Variants in ZNF804A observed in about 807,000 individuals in gnomAD.
The protein encoded by ZNF804A is zinc finger protein 804A.
Under a neutral mutation model 16.5 loss-of-function variants are expected in ZNF804A, and 2 were observed. The ratio of observed to expected loss-of-function variants is 0.12; its 90% confidence interval spans 0.05 to 0.38. The LOEUF (loss-of-function observed/expected upper bound fraction) is 0.38. ZNF804A is among the 10% of genes least tolerant of loss of function. The probability of loss-of-function intolerance (pLI) is 0.99; values close to 1 mark genes in which losing one functional copy is unlikely to be tolerated. For missense variants in ZNF804A, 1,473 were observed against 1,390.7 expected (o/e 1.06, Z -0.94); for synonymous variants, 534 against 489.6 (o/e 1.09, Z -1.20).
intron 1 of ZNF804A, among the ~76,000 whole-genome samples, chr2:184,691,551 A>C (rs73043251): frequency 6.6e-6 from 1 of 151,786 alleles, no homozygotes; most frequent in Non-Finnish European, 1.5e-5. Flanking sequence ...CTTTATGTAA[A>C]TAGACATCAG....
chr2:184,601,229 G>T (rs191663725), intron 1 of ZNF804A, among the ~76,000 whole-genome samples: 1 of 151,902 alleles, frequency 6.6e-6, no homozygotes, highest in African/African-American at 2.4e-5. Context: ...GTATTATTAT[G>T]GAAAATGATG....
At chr2:184,818,136 A>G (rs901319989) in intron 1 of ZNF804A, among the ~76,000 whole-genome samples, 19 of 152,146 alleles carry the variant, frequency 1.2e-4, no homozygotes, top group African/African-American at 4.6e-4. Flanking sequence ...ATTAAAGACA[A>G]AATATTAAGG....
intron 1 of ZNF804A, among the ~76,000 whole-genome samples, chr2:184,822,434 A>G (rs932379776): frequency 1.3e-5 from 2 of 152,106 alleles, no homozygotes; most frequent in Non-Finnish European, 2.9e-5. Context: ...TAGCTAATGG[A>G]TGCTGGACTT....
At chr2:184,884,744 G>T (rs999650947) in intron 2 of ZNF804A, among the ~76,000 whole-genome samples, 2 of 151,982 alleles carry the variant, frequency 1.3e-5, no homozygotes, top group African/African-American at 4.8e-5. Flanking sequence ...TAAAAACCCT[G>T]GAAGATAACC....
At chr2:184,677,528 T>C (rs926427356) in intron 1 of ZNF804A, among the ~76,000 whole-genome samples, 3 of 151,930 alleles carry the variant, frequency 2.0e-5, no homozygotes, top group Non-Finnish European at 4.4e-5. Context: ...ACTAGACAAA[T>C]AGAAAAAATA....
chr2:184,789,191 T>C (rs544625620), intron 1 of ZNF804A, among the ~76,000 whole-genome samples: 1 of 152,216 alleles, frequency 6.6e-6, no homozygotes, highest in African/African-American at 2.4e-5. Context: ...ATAAGCCCAC[T>C]TGATCATGGT....
chr2:184,670,411 CAT>C (rs1180819780), intron 1 of ZNF804A, among the ~76,000 whole-genome samples: 10 of 151,976 alleles, frequency 6.6e-5, no homozygotes, highest in South Asian at 2.1e-4. Flanking sequence ...TATTAAGACA[CAT>C]GTTAGAGCCT....
chr2:184,686,777 C>T (rs1170796214), intron 1 of ZNF804A, among the ~76,000 whole-genome samples: 2 of 152,186 alleles, frequency 1.3e-5, no homozygotes, highest in African/African-American at 2.4e-5. Flanking sequence ...TTGATTTGCA[C>T]TTCTCTGGTG....
At chr2:184,822,140 T>C (rs1695096079) in intron 1 of ZNF804A, among the ~76,000 whole-genome samples, 1 of 152,176 alleles carries the variant, frequency 6.6e-6, no homozygotes, top group East Asian at 1.9e-4. Context: ...CTATTCACAA[T>C]AGCAAAGATA....
rs1692118665 is a variant in ZNF804A at position 184,658,595 on chromosome 2, A to C, written c.111+59525A>C. Among the ~76,000 whole-genome samples the C allele has an allele frequency of 2.6e-5, 4 of 152,194 alleles. 1 individual carries two copies. The highest frequency in any genetic ancestry group is 2.6e-4 in the Admixed American group (4 of 15,274). ...GAAGGAGATTTAGATTTAGGCTATGAGAACTGGGGATGGTTGGTTGAAATT... is the reference window on the plus strand; with the variant it reads ...GAAGGAGATTTAGATTTAGGCTATGCGAACTGGGGATGGTTGGTTGAAATT... On this transcript the variant is annotated intron_variant, in intron 1 of 3. Transcript: ENST00000302277.
intron 1 of ZNF804A, among the ~76,000 whole-genome samples, chr2:184,718,581 A>G (rs1490185308): frequency 6.6e-6 from 1 of 152,176 alleles, no homozygotes; most frequent in Non-Finnish European, 1.5e-5. Flanking sequence ...TAGCCAATCC[A>G]AATAGGAGAA....
At chr2:184,878,396 G>T (rs1684746659) in intron 2 of ZNF804A, among the ~76,000 whole-genome samples, 1 of 152,058 alleles carries the variant, frequency 6.6e-6, no homozygotes, top group Middle Eastern at 3.4e-3. Flanking sequence ...ATATACAATG[G>T]GCTATACTAG....
At chr2:184,656,347 GT>G (rs901370362) in intron 1 of ZNF804A, among the ~76,000 whole-genome samples, 1 of 152,128 alleles carries the variant, frequency 6.6e-6, no homozygotes, top group African/African-American at 2.4e-5. Flanking sequence ...TGTTATTACA[GT>G]GCATGGAAGA....
intron 1 of ZNF804A, among the ~76,000 whole-genome samples, chr2:184,702,765 A>C (rs2105732016): frequency 6.6e-6 from 1 of 152,310 alleles, no homozygotes; most frequent in South Asian, 2.1e-4. Context: ...TATTTGAGTT[A>C]CAATTATGTG....
intron 1 of ZNF804A, among the ~76,000 whole-genome samples, chr2:184,846,240 T>C (rs966074437): frequency 2.6e-5 from 4 of 152,100 alleles, no homozygotes; most frequent in African/African-American, 9.7e-5. Context: ...TCAGTGTGTA[T>C]TTCTGACAGG....
At chr2:184,810,959 C>G (rs1363293227) in intron 1 of ZNF804A, among the ~76,000 whole-genome samples, 4 of 152,122 alleles carry the variant, frequency 2.6e-5, no homozygotes, top group South Asian at 2.1e-4. Context: ...CTATATAATA[C>G]TTTCTTTGCA....
chr2:184,804,640 T>C (rs1384778897), intron 1 of ZNF804A, among the ~76,000 whole-genome samples: 1 of 152,170 alleles, frequency 6.6e-6, no homozygotes, highest in East Asian at 1.9e-4. Flanking sequence ...GCTATAAAAT[T>C]GGAAACCAAA....
In ZNF804A at chr2:184,936,806, T is replaced by C. The variant is rs751019686; in HGVS notation, c.1410T>C (p.Asn470=). 6.2e-6 allele frequency: 10 copies of C among 1,613,032 alleles called. No individual in the cohort carries two copies. The highest frequency in any genetic ancestry group is 1.6e-4 in the Middle Eastern group (1 of 6,070). Residue 470 remains asparagine, a synonymous_variant, in exon 4 of 4, where the codon AAT becomes AAC. Coordinates refer to ENST00000302277, the MANE Select transcript of ZNF804A (RefSeq NM_194250.2). ...TTGACTTCAAGTCTACTAAAGTAAA[T>C]AATAATCTAGATAAAAATAAGCCAG... is the stretch of plus-strand genomic sequence containing the variant. ...LCFDFKSTKV[N]NNLDKNKPDL...
intron 1 of ZNF804A, among the ~76,000 whole-genome samples, chr2:184,758,369 T>A (rs1294438579): frequency 7.8e-6 from 1 of 128,578 alleles, no homozygotes; most frequent in Non-Finnish European, 1.6e-5. Context: ...CACTGATTAT[T>A]TACAAGTCAC....
Sources: gnomAD v4.1 joint callset for allele counts (sites outside exome capture counted in the v4.1 genomes callset) on GRCh38, gnomAD v4.1.1 for gene constraint, MANE v1.5 for transcripts, NCBI Gene and HGNC (gene_info 2026-07-23, HGNC 2026-07-21) for gene names.